TTC39B: variants seen among roughly 807,000 people sequenced by gnomAD.
The protein encoded by TTC39B is tetratricopeptide repeat protein 39B.
In TTC39B, 92 loss-of-function variants were observed where a neutral mutation model predicts 96.6. That is an observed-to-expected ratio of 0.95 (90% CI 0.80 to 1.13). The LOEUF is 1.13. Among genes scored for constraint, TTC39B ranks in the 50% most tolerant of loss-of-function variants. The pLI is 0.00. For missense variants in TTC39B, 955 were observed against 809.3 expected, an observed-to-expected ratio of 1.18 and a Z score of -2.18; for synonymous variants, 367 against 299.4, an observed-to-expected ratio of 1.23 and a Z score of -2.33.
At chr9:15,299,204 A>G (rs1394465600) in intron 1 of TTC39B, among the ~76,000 whole-genome samples, 1 of 152,228 alleles carries the variant, frequency 6.6e-6, no homozygotes, top group Non-Finnish European at 1.5e-5. Flanking sequence ...GTCACTCACT[A>G]GTTACCTTCA....
At chr9:15,255,105 A>G (rs944666468) in intron 2 of TTC39B, among the ~76,000 whole-genome samples, 6 of 152,168 alleles carry the variant, frequency 3.9e-5, no homozygotes, top group Admixed American at 6.5e-5. Context: ...CGCTGCTGGT[A>G]TGAATATTTT....
At chr9:15,284,012 C>T (rs1823865141) in intron 1 of TTC39B, among the ~76,000 whole-genome samples, 1 of 152,086 alleles carries the variant, frequency 6.6e-6, no homozygotes, top group Non-Finnish European at 1.5e-5. Context: ...AGACAAGCAA[C>T]TGGCTAGGAT....
At chr9:15,265,256 T>C (rs573943596) in intron 2 of TTC39B, among the ~76,000 whole-genome samples, 38 of 152,290 alleles carry the variant, frequency 2.5e-4, no homozygotes, top group Non-Finnish European at 3.7e-4. Flanking sequence ...GTAAAGCCAC[T>C]ACCAGCCTAC....
chr9:15,213,518 G>A (rs62539783), intron 4 of TTC39B, among the ~76,000 whole-genome samples: 3 of 152,144 alleles, frequency 2.0e-5, no homozygotes, highest in East Asian at 1.9e-4. Flanking sequence ...CGAGATTGCC[G>A]ACTTTTATGC....
At chr9:15,171,092 T>G (rs1035991016) in exon 20 of TTC39B, 1 of 152,134 alleles carries the variant, frequency 6.6e-6, no homozygotes, top group African/African-American at 2.4e-5. Flanking sequence ...TGATTCTGTT[T>G]CCCAACTAAA....
At chr9:15,246,854 T>A (rs994532786) in intron 2 of TTC39B, among the ~76,000 whole-genome samples, 5 of 152,250 alleles carry the variant, frequency 3.3e-5, no homozygotes, top group African/African-American at 9.6e-5. Flanking sequence ...GATGAGTCAT[T>A]TCCTCTGAGA....
intron 3 of TTC39B, among the ~76,000 whole-genome samples, chr9:15,220,492 T>C (rs1038547948): frequency 6.6e-6 from 1 of 152,140 alleles, no homozygotes; most frequent in Non-Finnish European, 1.5e-5. Flanking sequence ...TATGACAATA[T>C]CCACCCAACA....
Position 15,305,351 on chromosome 9 carries a change from C to T in TTC39B, c.240+1733G>A, listed in dbSNP as rs184604156. ...GAGCCCAAAGTAAATGCTCAATAAA[C>T]GCTTGCTCAGTTTATAGCAATGGAA... On this transcript the variant is annotated intron_variant, in intron 1 of 19. Coordinates refer to ENST00000512701, the Ensembl canonical transcript of TTC39B. Among the ~76,000 whole-genome samples the T allele has an allele frequency of 3.4e-3, 517 of 152,306 alleles. 5 individuals are homozygous for T. The highest frequency in any genetic ancestry group is 3.7e-3 in the Non-Finnish European group (255 of 68,024).
chr9:15,178,460 C>T (rs905866887), intron 17 of TTC39B, among the ~76,000 whole-genome samples: 5 of 152,088 alleles, frequency 3.3e-5, no homozygotes, highest in Non-Finnish European at 7.4e-5. Flanking sequence ...CCTGTAGTCC[C>T]AGCTACTCAG....
At chr9:15,172,052 A>C in exon 20 of TTC39B, 1 of 1,612,982 alleles carries the variant, frequency 6.2e-7, no homozygotes, top group Admixed American at 1.7e-5. Flanking sequence ...AGAGGTGAAG[A>C]GCTGCCTGAA....
At chr9:15,277,297 G>A (rs550696943) in intron 1 of TTC39B, among the ~76,000 whole-genome samples, 37 of 152,254 alleles carry the variant, frequency 2.4e-4, no homozygotes, top group Admixed American at 1.6e-3. Flanking sequence ...GCGTGGTGGC[G>A]CATGCCTGTA....
intron 1 of TTC39B, among the ~76,000 whole-genome samples, chr9:15,291,856 G>A (rs1824201298): frequency 1.3e-5 from 2 of 152,200 alleles, no homozygotes; most frequent in African/African-American, 4.8e-5. Context: ...AAGCTTGCAA[G>A]GCAGCAGACA....
intron 1 of TTC39B, among the ~76,000 whole-genome samples, chr9:15,273,339 A>C (rs1823423399): frequency 6.6e-6 from 1 of 152,206 alleles, no homozygotes; most frequent in Non-Finnish European, 1.5e-5. Context: ...TTTGAAAAGG[A>C]ATATGTGACA....
chr9:15,250,283 C>T (rs1476568550), intron 2 of TTC39B: 3 of 894,730 alleles, frequency 3.4e-6, no homozygotes, highest in Non-Finnish European at 4.0e-6. Flanking sequence ...TCTAATCCAT[C>T]ACTGTTTAAT....
At chr9:15,277,653 C>T (rs961862056) in intron 1 of TTC39B, among the ~76,000 whole-genome samples, 2 of 152,184 alleles carry the variant, frequency 1.3e-5, no homozygotes, top group Non-Finnish European at 2.9e-5. Context: ...CCAGCCTCCT[C>T]ATGAGTAAAG....
chr9:15,288,465 G>T (rs1472730720), intron 1 of TTC39B, among the ~76,000 whole-genome samples: 1 of 152,186 alleles, frequency 6.6e-6, no homozygotes, highest in Non-Finnish European at 1.5e-5. Context: ...GAGGAGTTCA[G>T]CTGGGGATGG....
chr9:15,245,327 AAAAC>A (rs1364833033), intron 2 of TTC39B, among the ~76,000 whole-genome samples: 2 of 152,200 alleles, frequency 1.3e-5, no homozygotes, highest in African/African-American at 4.8e-5. Flanking sequence ...ATTAGTAGGA[AAAAC>A]AAACAAAACT....
chr9:15,287,577 C>T (rs1016202510), intron 1 of TTC39B, among the ~76,000 whole-genome samples: 3 of 152,096 alleles, frequency 2.0e-5, no homozygotes, highest in African/African-American at 7.2e-5. Flanking sequence ...CCTGAAGTAC[C>T]CTCTTGGACT....
intron 1 of TTC39B, among the ~76,000 whole-genome samples, chr9:15,296,533 T>G (rs1028091792): frequency 8.5e-5 from 13 of 152,342 alleles, no homozygotes; most frequent in African/African-American, 3.1e-4. Flanking sequence ...TCACTCTTTT[T>G]GCCTAGGCTG....
Sources: gnomAD v4.1 joint callset for allele counts (sites outside exome capture counted in the v4.1 genomes callset) on GRCh38, gnomAD v4.1.1 for gene constraint, MANE v1.5 for transcripts, NCBI Gene and HGNC (gene_info 2026-07-23, HGNC 2026-07-21) for gene names.